Variants in MDGA2 observed in about 807,000 individuals in gnomAD.
The protein encoded by MDGA2 is MAM domain containing glycosylphosphatidylinositol anchor 2.
A neutral mutation model predicts 117.8 loss-of-function variants in MDGA2; 40 were observed. That is an observed-to-expected ratio of 0.34 (90% confidence interval 0.26 to 0.44). The LOEUF is 0.44. MDGA2 is among the 20% of genes least tolerant of loss of function. The probability of loss-of-function intolerance (pLI) is 1.00; values close to 1 mark genes in which losing one functional copy is unlikely to be tolerated. For synonymous variants in MDGA2, 452 were observed against 439.0 expected, an observed-to-expected ratio of 1.03 and a Z score of -0.37; for missense variants, 1,123 against 1,250.6, an observed-to-expected ratio of 0.90 and a Z score of 1.54.
chr14:46,876,738 C>T (rs1205195203), intron 12 of MDGA2, among the ~76,000 whole-genome samples: 1 of 151,220 alleles, frequency 6.6e-6, no homozygotes, highest in Non-Finnish European at 1.5e-5. Flanking sequence ...ATCCTGATAC[C>T]CAGTGGTCCT....
At chr14:47,125,687 G>C (rs942130427) in intron 5 of MDGA2, among the ~76,000 whole-genome samples, 1 of 151,760 alleles carries the variant, frequency 6.6e-6, no homozygotes, top group Non-Finnish European at 1.5e-5. Flanking sequence ...TTTATGGCTT[G>C]GTTTCTTGAA....
intron 1 of MDGA2, among the ~76,000 whole-genome samples, chr14:47,491,312 T>C (rs894327248): frequency 6.6e-6 from 1 of 151,934 alleles, no homozygotes; most frequent in African/African-American, 2.4e-5. Flanking sequence ...AACCAACACC[T>C]CCTGAGAGTT....
At position 47,246,315 on chromosome 14, in the gene MDGA2, T is replaced by C. The variant is rs560090361; in HGVS notation, c.421-28120A>G. Among the ~76,000 whole-genome samples the C allele has an allele frequency of 2.0e-5, 3 of 151,820 alleles. No homozygotes were observed. The South Asian group carries it at 6.3e-4, about 32-fold the overall frequency. On this transcript the variant is annotated intron_variant, in intron 2 of 16. Transcript: ENST00000399232. ...AATTTATCAGTCCTTCCCCCGATCC[T>C]GATCTAGTCATTTCACACCCATTTC...
chr14:47,207,228 A>G (rs191437788), intron 3 of MDGA2, among the ~76,000 whole-genome samples: 2 of 152,024 alleles, frequency 1.3e-5, no homozygotes, highest in East Asian at 3.9e-4. Flanking sequence ...GAGGATGGGG[A>G]GCAGGGAGGT....
intron 3 of MDGA2, among the ~76,000 whole-genome samples, chr14:47,196,778 T>C (rs1243596140): frequency 6.6e-6 from 1 of 152,164 alleles, no homozygotes; most frequent in Non-Finnish European, 1.5e-5. Flanking sequence ...GTAGTGAGCA[T>C]AATACCTAAT....
chr14:47,217,964 T>C, intron 3 of MDGA2, 57 bp downstream of exon 3: 2 of 1,361,258 alleles, frequency 1.5e-6, no homozygotes. Context: ...CATAGACTTG[T>C]AAGACAAAAG....
chr14:47,647,362 A>C (rs1897554039), intron 1 of MDGA2, among the ~76,000 whole-genome samples: 1 of 152,122 alleles, frequency 6.6e-6, no homozygotes, highest in Admixed American at 6.5e-5. Flanking sequence ...GAATCTTTGT[A>C]ATGTCATCCT....
chr14:47,507,463 G>C (rs1180126788), intron 1 of MDGA2, among the ~76,000 whole-genome samples: 1 of 152,180 alleles, frequency 6.6e-6, no homozygotes, highest in African/African-American at 2.4e-5. Flanking sequence ...ATTGTAAAGA[G>C]TGTACAAAAC....
chr14:47,165,987 C>A (rs943271536), intron 3 of MDGA2, among the ~76,000 whole-genome samples: 2 of 150,792 alleles, frequency 1.3e-5, no homozygotes, highest in South Asian at 4.2e-4. Flanking sequence ...CCTATACACC[C>A]TTTTCTGTGT....
chr14:47,671,574 C>T (rs1477239893), intron 1 of MDGA2, among the ~76,000 whole-genome samples: 1 of 152,130 alleles, frequency 6.6e-6, no homozygotes, highest in African/African-American at 2.4e-5. Flanking sequence ...TCCTCTTGAA[C>T]CATGATACTA....
intron 9 of MDGA2, among the ~76,000 whole-genome samples, chr14:46,939,089 C>T (rs1355550077): frequency 1.3e-5 from 2 of 151,978 alleles, no homozygotes; most frequent in Non-Finnish European, 2.9e-5. Flanking sequence ...AAGGGTAGAA[C>T]AGAGGTTACC....
At chr14:47,563,578 GTTTTTTTTTT>G (rs56244321) in intron 1 of MDGA2, among the ~76,000 whole-genome samples, 1 of 56,974 alleles carries the variant, frequency 1.8e-5, no homozygotes, top group Non-Finnish European at 3.2e-5. Context: ...GCTTTTTTCT[GTTTTTTTTTT>G]TTTTTTTTTT....
intron 1 of MDGA2, among the ~76,000 whole-genome samples, chr14:47,666,582 G>A (rs1287567320): frequency 6.6e-6 from 1 of 152,192 alleles, no homozygotes; most frequent in East Asian, 1.9e-4. Context: ...CTGTCAAAAC[G>A]GACCAATCAG....
intron 3 of MDGA2, among the ~76,000 whole-genome samples, chr14:47,183,411 A>G (rs1005840280): frequency 6.6e-6 from 1 of 152,158 alleles, no homozygotes; most frequent in Admixed American, 6.5e-5. Flanking sequence ...AGCTTTCTAT[A>G]TTCCAATTTT....
At chr14:47,036,882 A>G (rs1021704346) in intron 7 of MDGA2, among the ~76,000 whole-genome samples, 58 of 152,212 alleles carry the variant, frequency 3.8e-4, no homozygotes, top group African/African-American at 1.4e-3. Flanking sequence ...TCCTTCACTT[A>G]TTGTTTAAAA....
At chr14:47,479,360 T>A (rs1414541642) in intron 1 of MDGA2, among the ~76,000 whole-genome samples, 1 of 149,880 alleles carries the variant, frequency 6.7e-6, no homozygotes, top group African/African-American at 2.5e-5. Flanking sequence ...CCTCTTGGCA[T>A]CTAACCTTAC....
At chr14:46,982,697 G>T (rs1886718554) in intron 8 of MDGA2, among the ~76,000 whole-genome samples, 1 of 94,424 alleles carries the variant, frequency 1.1e-5, no homozygotes, top group Non-Finnish European at 2.1e-5. Context: ...GACAGAGGGA[G>T]ACTCCATCAA....
intron 1 of MDGA2, among the ~76,000 whole-genome samples, chr14:47,311,927 T>C (rs1373589964): frequency 6.6e-6 from 1 of 152,086 alleles, no homozygotes; most frequent in Non-Finnish European, 1.5e-5. Context: ...TCTTTGGGGA[T>C]TTGGGGAGCA....
intron 1 of MDGA2, among the ~76,000 whole-genome samples, chr14:47,382,738 A>T (rs1246798816): frequency 1.3e-5 from 2 of 152,180 alleles, no homozygotes; most frequent in Non-Finnish European, 2.9e-5. Flanking sequence ...AAATAAGAAC[A>T]CTTTTACACT....
Sources: gnomAD v4.1 joint callset for allele counts (sites outside exome capture counted in the v4.1 genomes callset) on GRCh38, gnomAD v4.1.1 for gene constraint, MANE v1.5 for transcripts, NCBI Gene and HGNC (gene_info 2026-07-23, HGNC 2026-07-21) for gene names.